The following ST6GAL1 variants were observed in gnomAD, a reference collection of about 807,000 sequenced individuals.
ST6GAL1 encodes the protein beta-galactoside alpha-2,6-sialyltransferase 1.
ST6GAL1 carries 20 observed loss-of-function variants against 38.0 expected under a neutral mutation model. The observed-to-expected ratio is 0.53, with a 90% CI of 0.37 to 0.77. The LOEUF is 0.77. ST6GAL1 is among the 30% of genes least tolerant of loss of function. The pLI is 0.00. For synonymous variants in ST6GAL1, 196 were observed against 188.2 expected, an observed-to-expected ratio of 1.04 and a Z score of -0.34; for missense variants, 432 against 496.4, an observed-to-expected ratio of 0.87 and a Z score of 1.23.
chr3:187,070,147 C>G (rs1719311263), intron 5 of ST6GAL1, among the ~76,000 whole-genome samples: 1 of 152,074 alleles, frequency 6.6e-6, no homozygotes, highest in Non-Finnish European at 1.5e-5. Flanking sequence ...TTCCATTGGC[C>G]AGAATTAGTC....
chr3:186,969,529 T>C (rs1715277156), intron 2 of ST6GAL1, among the ~76,000 whole-genome samples: 1 of 152,262 alleles, frequency 6.6e-6, no homozygotes, highest in Non-Finnish European at 1.5e-5. Flanking sequence ...GTTGTTTGTC[T>C]TCTTATGATT....
chr3:187,066,080 C>T (rs995166204), intron 5 of ST6GAL1, among the ~76,000 whole-genome samples: 7 of 142,518 alleles, frequency 4.9e-5, no homozygotes, highest in Non-Finnish European at 1.1e-4. Context: ...GTTGGCAGGG[C>T]GGGTGGGAGG....
chr3:186,961,064 C>T (rs773671192), intron 1 of ST6GAL1, among the ~76,000 whole-genome samples: 1 of 151,662 alleles, frequency 6.6e-6, no homozygotes, highest in African/African-American at 2.4e-5. Context: ...GCAAATTCCA[C>T]CTCCTGGGTT....
chr3:186,946,496 C>A (rs982835725), intron 1 of ST6GAL1, among the ~76,000 whole-genome samples: 2 of 152,074 alleles, frequency 1.3e-5, no homozygotes, highest in Non-Finnish European at 2.9e-5. Context: ...ATCCTCCCGC[C>A]GGCCTCCGAA....
chr3:186,967,295 G>T (rs1399379716), intron 2 of ST6GAL1, among the ~76,000 whole-genome samples: 1 of 152,134 alleles, frequency 6.6e-6, no homozygotes, highest in Non-Finnish European at 1.5e-5. Flanking sequence ...GGGTTCAAGC[G>T]AGTCTCCTAC....
chr3:187,024,738 C>T (rs1717466625), intron 2 of ST6GAL1: 1 of 151,724 alleles, frequency 6.6e-6, no homozygotes, highest in Non-Finnish European at 1.5e-5. Flanking sequence ...AAATATATGC[C>T]GTGGAAAAGA....
chr3:187,003,259 G>A (rs1159828528), intron 2 of ST6GAL1, among the ~76,000 whole-genome samples: 1 of 152,238 alleles, frequency 6.6e-6, no homozygotes. Flanking sequence ...CCTGTGGGAA[G>A]GTCAGCCTGT....
intron 2 of ST6GAL1, among the ~76,000 whole-genome samples, chr3:186,978,454 G>A (rs1374114304): frequency 1.3e-5 from 2 of 152,098 alleles, no homozygotes; most frequent in Non-Finnish European, 2.9e-5. Context: ...ACAGCTTCTG[G>A]AGCCTGGTGT....
At chr3:186,956,921 A>G (rs191726312) in intron 1 of ST6GAL1, among the ~76,000 whole-genome samples, 5 of 152,334 alleles carry the variant, frequency 3.3e-5, no homozygotes, top group Non-Finnish European at 7.4e-5. Context: ...AGAAATAGAG[A>G]AAATATAGGG....
In ST6GAL1 at chr3:187,074,328, T is replaced by C; in HGVS notation, c.974T>C (p.Met325Thr). Reference protein sequence around the residue: ...EIQPNPPSSGMLGIIIMMTLC... With the variant: ...EIQPNPPSSGTLGIIIMMTLC... ...CAGCCAAACCCCCCATCCTCTGGGA[T>C]GCTTGGTGAGTTCATGTCGGGGAAA... The change falls in exon 7 of 8, where the codon ATG becomes ACG. Residue 325 changes from methionine to threonine, a missense_variant. Coordinates refer to ENST00000169298, the MANE Select transcript of ST6GAL1 (RefSeq NM_173216.2). The C allele has an allele frequency of 6.3e-7, 1 of 1,584,470 alleles. No individual in the cohort carries two copies. The highest frequency in any genetic ancestry group is 8.6e-7 in the Non-Finnish European group (1 of 1,168,220).
chr3:186,990,669 ATTTCC>A (rs1449967246), intron 2 of ST6GAL1, among the ~76,000 whole-genome samples: 1 of 98,898 alleles, frequency 1.0e-5, no homozygotes, highest in African/African-American at 3.7e-5. Context: ...TTTTTTTTTG[ATTTCC>A]TCTAAAAAAT....
In ST6GAL1 at chr3:187,075,556, C is replaced by T. The variant is rs1719530315; in HGVS notation, c.980-6C>T. On this transcript the variant is annotated splice_region_variant and splice_polypyrimidine_tract_variant and intron_variant, in intron 7 of 7. Transcript: ENST00000169298. This position sits in a 1 kb window ranked among gnomAD's most constrained non-coding sequence, Gnocchi z 4.1. Reference sequence around the variant, plus strand: ...AGGCATGACTCACCTCTGCTCCCCTCTCCAGGTATCATCATCATGATGACG... The same window carrying T: ...AGGCATGACTCACCTCTGCTCCCCTTTCCAGGTATCATCATCATGATGACG... 1.9e-6 allele frequency: 3 copies of T among 1,613,828 alleles called. No homozygotes were observed. Among genetic ancestry groups the T allele is most frequent in the African/African-American group, 2.7e-5 (2 of 74,928 alleles).
chr3:187,015,232 C>G (rs917542443), intron 2 of ST6GAL1, among the ~76,000 whole-genome samples: 1 of 152,224 alleles, frequency 6.6e-6, no homozygotes, highest in African/African-American at 2.4e-5. Context: ...TCTTACTGCA[C>G]GCACTTCATA....
At chr3:187,069,259 C>T (rs1325414791) in intron 5 of ST6GAL1, among the ~76,000 whole-genome samples, 1 of 152,164 alleles carries the variant, frequency 6.6e-6, no homozygotes, top group Non-Finnish European at 1.5e-5. Flanking sequence ...CTCAGCCTTC[C>T]AAGTAGCTGG....
intron 2 of ST6GAL1, among the ~76,000 whole-genome samples, chr3:187,007,049 G>C (rs1380232391): frequency 6.6e-6 from 1 of 152,210 alleles, no homozygotes; most frequent in Non-Finnish European, 1.5e-5. Context: ...GTTTACAACA[G>C]AAAGCTGAAT....
intron 2 of ST6GAL1, chr3:187,021,954 C>T (rs1434041311): frequency 1.3e-5 from 2 of 152,144 alleles, no homozygotes; most frequent in Non-Finnish European, 2.9e-5. Flanking sequence ...TTGCTCTACA[C>T]ATCTCTTCAT....
At position 187,057,799 on chromosome 3, in the gene ST6GAL1, G is replaced by A. The variant is rs138452798; in HGVS notation, c.705+6453G>A. Among the ~76,000 whole-genome samples the A allele has an allele frequency of 1.0e-3, 153 of 152,280 alleles. 2 individuals carry two copies. The highest frequency in any genetic ancestry group is 3.4e-3 in the African/African-American group (140 of 41,538). ...TGTCCGTTCTCCGAGTTCAAACACC[G>A]TGCTGGGAGAACCACTGCTCTCTTC... is the stretch of plus-strand genomic sequence containing the variant. On this transcript the variant is annotated intron_variant, in intron 5 of 7. Coordinates refer to ENST00000169298, the MANE Select transcript of ST6GAL1 (RefSeq NM_173216.2).
chr3:187,075,890 T>C lies in ST6GAL1; in HGVS notation c.*87T>C, dbSNP rs958424326. ...CTGGGAAGAACATTTTCCTGAACAA[T>C]TCCAGCCTGCTCCTTTTACTCTAGG... On this transcript the variant is annotated 3_prime_UTR_variant, in exon 8 of 8. Coordinates refer to ENST00000169298, the MANE Select transcript of ST6GAL1 (RefSeq NM_173216.2). The surrounding 1 kb of genome is among the most constrained non-coding windows in gnomAD (Gnocchi z 4.1). 1.7e-5 allele frequency: 27 copies of C among 1,561,000 alleles called. No individual in the cohort carries two copies. The highest frequency in any genetic ancestry group is 2.3e-5 in the Non-Finnish European group (27 of 1,154,342).
At chr3:187,011,987 C>T (rs1012567665) in intron 2 of ST6GAL1, among the ~76,000 whole-genome samples, 3 of 152,196 alleles carry the variant, frequency 2.0e-5, no homozygotes, top group African/African-American at 4.8e-5. Context: ...AGACCTGGAA[C>T]GCTCTCTTTC....
Sources: allele counts gnomAD v4.1 joint callset (sites outside exome capture counted in the v4.1 genomes callset), GRCh38; gene constraint gnomAD v4.1.1; non-coding constraint Gnocchi (gnomAD v3.1); transcripts MANE v1.5; gene names NCBI Gene and HGNC (gene_info 2026-07-23, HGNC 2026-07-21).